The following SPG7 variants were observed in gnomAD, a reference collection of about 807,000 sequenced individuals.
SPG7 encodes the protein mitochondrial inner membrane m-AAA protease component paraplegin.
Under a neutral mutation model 81.9 loss-of-function variants are expected in SPG7, and 103 were observed. That is an observed-to-expected ratio of 1.26 (90% CI 1.07 to 1.48). The LOEUF is 1.48. SPG7 is among the 40% of genes most tolerant of loss of function. SPG7 has a pLI of 0.00. For synonymous variants in SPG7, 534 were observed against 444.2 expected, an observed-to-expected ratio of 1.20 and a Z score of -2.54; for missense variants, 1,241 against 1,087.3, an observed-to-expected ratio of 1.14 and a Z score of -1.99.
intron 3 of SPG7, among the ~76,000 whole-genome samples, chr16:89,515,005 C>T (rs1179797793): frequency 6.8e-6 from 1 of 146,558 alleles, no homozygotes; most frequent in African/African-American, 2.5e-5. Context: ...GGTGTGATCT[C>T]AGCTCACTGC....
Position 89,508,600 on chromosome 16 carries a change from G to A in SPG7, c.183G>A (p.Gln61=). ...DLAEAGGRAL[Q]SLQLRLLTPT... ...CCGAGGCTGGAGGCCGAGCTCTGCAGGTAAATCCCCGCGGAGTCCGGGCCC... is the reference window on the plus strand; with the variant it reads ...CCGAGGCTGGAGGCCGAGCTCTGCAAGTAAATCCCCGCGGAGTCCGGGCCC... Residue 61 remains glutamine, a splice_region_variant and synonymous_variant, in exon 1 of 17, where the codon CAG becomes CAA. Transcript: ENST00000645818. The A allele has an allele frequency of 6.8e-7, 1 of 1,465,540 alleles. No individual in the cohort carries two copies. The highest frequency in any genetic ancestry group is 9.0e-7 in the Non-Finnish European group (1 of 1,113,626). The allele number at this position is 1,465,540 out of a possible 1,614,324, so 90.8% of individuals were successfully genotyped here. A position where few individuals can be genotyped will look rare whatever the true frequency, so the allele number is the denominator to read the frequency against.
At chr16:89,529,248 T>A in intron 5 of SPG7, 1 of 588,938 alleles carries the variant, frequency 1.7e-6, no homozygotes, top group South Asian at 2.0e-5. Context: ...ATCTCCGGCA[T>A]CTGCACACTC....
intron 5 of SPG7, among the ~76,000 whole-genome samples, chr16:89,528,008 C>T (rs2058287045): frequency 6.6e-6 from 1 of 152,050 alleles, no homozygotes. Flanking sequence ...GGCTGTGTGT[C>T]TCATGTCTTT....
At chr16:89,534,681 A>G (rs1597639099) in intron 9 of SPG7, among the ~76,000 whole-genome samples, 1 of 152,182 alleles carries the variant, frequency 6.6e-6, no homozygotes, top group Non-Finnish European at 1.5e-5. Context: ...TCCACCTCTC[A>G]TTGCAAAATC....
chr16:89,530,996 C>T (rs971446972), intron 7 of SPG7, 188 bp downstream of exon 7: 8 of 756,402 alleles, frequency 1.1e-5, no homozygotes, highest in African/African-American at 1.7e-5. Flanking sequence ...AAGCCTCGTG[C>T]ACATGGTTCA....
In SPG7 at chr16:89,550,519, G is replaced by T; in HGVS notation, c.1689G>T (p.Leu563=). 6.2e-7 allele frequency: 1 copy of T among 1,613,856 alleles called. No individual in the cohort carries two copies. Among genetic ancestry groups the T allele is most frequent in the Admixed American group, 1.7e-5 (1 of 60,026 alleles). Residue 563 remains leucine, a synonymous_variant, in exon 13 of 17, where the codon CTG becomes CTT. Transcript: ENST00000645818. ...GGACTGCCAAAAAGAGCAAGATCCT[G>T]TCCAAGGAAGAACAGAAAGTGGTTG... ...LAGTAKKSKI[L]SKEEQKVVAF...
intron 6 of SPG7, chr16:89,530,151 G>T (rs543370524): frequency 1.4e-3 from 244 of 171,806 alleles, no homozygotes; most frequent in Middle Eastern, 3.2e-3. Context: ...TCTTTTTTGT[G>T]TGTGTGTGTG....
chr16:89,553,101 C>T lies in SPG7; in HGVS notation c.1902C>T (p.Ala634=). The T allele has an allele frequency of 1.9e-6, 3 of 1,612,486 alleles. No individual in the cohort carries two copies. The highest frequency in any genetic ancestry group is 1.7e-6 in the Non-Finnish European group (2 of 1,179,372). ...ERMCMALGGR[A]SEALSFNEVT... is the part of the protein sequence containing the mutation. The stretch of plus-strand genomic sequence containing the variant: ...TGTGCATGGCCCTGGGAGGACGGGC[C>T]TCGGAAGCACTGTCCTTCAACGAGG... The change falls in exon 14 of 17, where the codon GCC becomes GCT. Residue 634 remains alanine (A), a synonymous_variant. Transcript: ENST00000645818.
At chr16:89,530,098 C>G (rs2058320582) in intron 6 of SPG7, 1 of 270,386 alleles carries the variant, frequency 3.7e-6, no homozygotes, top group African/African-American at 2.2e-5. Flanking sequence ...CTCAGCCTCC[C>G]AAAGTGCTGG....
intron 3 of SPG7, among the ~76,000 whole-genome samples, chr16:89,513,562 A>T (rs1032275768): frequency 6.6e-6 from 1 of 151,982 alleles, no homozygotes; most frequent in African/African-American, 2.4e-5. Context: ...CCCTATCTAT[A>T]CAGAAAGAAA....
At chr16:89,510,672 A>C in intron 2 of SPG7, 80 bp downstream of exon 2, 1 of 883,642 alleles carries the variant, frequency 1.1e-6, no homozygotes, top group Middle Eastern at 2.1e-4. Flanking sequence ...ATCTTTTTTT[A>C]TTTTAGAGAC....
At chr16:89,524,281 G>GT (rs2058233170) in intron 4 of SPG7, 34 bp downstream of exon 4, 5 of 1,591,110 alleles carry the variant, frequency 3.1e-6, no homozygotes, top group Non-Finnish European at 4.3e-6. Flanking sequence ...GTGAGTGAGG[G>GT]TGTGGGCACA....
At chr16:89,546,443 C>T (rs958346076) in intron 10 of SPG7, 46 of 532,024 alleles carry the variant, frequency 8.6e-5, no homozygotes, top group Admixed American at 4.0e-4. Flanking sequence ...TTTGGGAGGC[C>T]GAGGCAGGTG....
Position 89,548,102 on chromosome 16 carries a change from G to A in SPG7, c.1652G>A (p.Arg551His), listed in dbSNP as rs761552945. ...CTCAACTTCGAGTACGCCGTGGAGC[G>A]CGTCCTCGCAGGTACAGGGGGCGCG... is the stretch of plus-strand genomic sequence containing the variant. The part of the protein sequence containing the change: ...HTLNFEYAVE[R>H]VLAGTAKKSK... Residue 551 changes from arginine (R) to histidine (H), a missense_variant, in exon 12 of 17, where the codon CGC (arginine) becomes CAC (histidine). Transcript: ENST00000645818. The A allele has an allele frequency of 5.0e-6, 8 of 1,605,288 alleles. No homozygotes were observed. Among genetic ancestry groups the A allele is most frequent in the South Asian group, 1.1e-5 (1 of 91,082 alleles).
chr16:89,529,317 G>T (rs1039798939), intron 5 of SPG7, 160 bp from the exon 6 acceptor site: 2 of 673,364 alleles, frequency 3.0e-6, no homozygotes, highest in African/African-American at 1.8e-5. Flanking sequence ...TGAGACGAGA[G>T]AACCCATTTC....
chr16:89,539,828 G>A (rs1181319549), intron 9 of SPG7: 1 of 152,092 alleles, frequency 6.6e-6, no homozygotes, highest in Non-Finnish European at 1.5e-5. Flanking sequence ...TTTCACCTCA[G>A]CTCCTCAAAG....
At chr16:89,556,069 C>T (rs886481600) in intron 16 of SPG7, 41 of 398,708 alleles carry the variant, frequency 1.0e-4, no homozygotes, top group Admixed American at 4.0e-4. Context: ...GGAGCCACAA[C>T]GGGAGCAAAG....
chr16:89,552,861 C>T, intron 13 of SPG7, 118 bp from the exon 14 acceptor site: 1 of 931,190 alleles, frequency 1.1e-6, no homozygotes, highest in Non-Finnish European at 1.7e-6. Context: ...GAGGATGCTG[C>T]ACATTTGCCT....
rs779096639 is a variant in SPG7, at chr16:89,510,475, T to G, written c.184-15T>G. On this transcript the variant is annotated splice_polypyrimidine_tract_variant and intron_variant, in intron 1 of 16. Transcript: ENST00000645818. ...GTTGGTGTGACCTCCAGTATTGTTT[T>G]TTTTTTTTTTTCAGAGCTTACAATT... 15 of 1,535,362 alleles carry G rather than the reference T, an allele frequency of 9.8e-6. No individual in the cohort carries two copies. The highest frequency in any genetic ancestry group is 4.1e-5 in the African/African-American group (3 of 73,482).
Sources: allele counts gnomAD v4.1 joint callset (sites outside exome capture counted in the v4.1 genomes callset), GRCh38; gene constraint gnomAD v4.1.1; transcripts MANE v1.5; gene names NCBI Gene and HGNC (gene_info 2026-07-23, HGNC 2026-07-21).